The following MED13L variants were observed in gnomAD, a reference collection of about 807,000 sequenced individuals.
MED13L encodes the protein mediator of RNA polymerase II transcription subunit 13-like.
In MED13L, 7 loss-of-function variants were observed where a neutral mutation model predicts 220.9. The ratio of observed to expected loss-of-function variants is 0.03; its 90% CI spans 0.02 to 0.06. MED13L has a LOEUF of 0.06. MED13L is among the 10% of genes least tolerant of loss of function. MED13L has a pLI of 1.00. For missense variants in MED13L, 1,965 were observed against 2,760.5 expected (o/e 0.71, Z 6.46); for synonymous variants, 1,011 against 1,015.2 (o/e 1.00, Z 0.08).
intron 3 of MED13L, among the ~76,000 whole-genome samples, chr12:116,102,085 T>C (rs562609294): frequency 2.2e-4 from 33 of 152,076 alleles, no homozygotes; most frequent in Middle Eastern, 6.8e-3. Flanking sequence ...CCCCACCACC[T>C]CCCCAAAATC....
At chr12:116,062,116 TTTC>T (rs1869546458) in intron 4 of MED13L, among the ~76,000 whole-genome samples, 2 of 152,082 alleles carry the variant, frequency 1.3e-5, no homozygotes, top group Admixed American at 1.3e-4. Context: ...TTCTATTGAT[TTTC>T]TTTTTTCTGG....
chr12:116,071,480 G>A (rs903235622), intron 4 of MED13L, among the ~76,000 whole-genome samples: 1 of 152,190 alleles, frequency 6.6e-6, no homozygotes, highest in African/African-American at 2.4e-5. Context: ...AGGCTGGAGT[G>A]CAATGGCGCA....
At chr12:116,142,763 G>T (rs1404581289) in intron 2 of MED13L, among the ~76,000 whole-genome samples, 1 of 152,074 alleles carries the variant, frequency 6.6e-6, no homozygotes, top group African/African-American at 2.4e-5. Context: ...ATGTATGTGT[G>T]CATAAAAATA....
rs1364831966 is a variant in MED13L, at chr12:116,155,812, C to CA, written c.311-44301dup. Reference sequence around the variant, plus strand: ...AAAATTGTGTCTGTTCTTCAAAACACAAAAAACTAAATATATTGATTCTAG... The same window carrying CA: ...AAAATTGTGTCTGTTCTTCAAAACACAAAAAAACTAAATATATTGATTCTAG... On this transcript the variant is annotated intron_variant, in intron 2 of 30. Coordinates refer to ENST00000281928, the MANE Select transcript of MED13L (RefSeq NM_015335.5). 2.6e-5 allele frequency among the ~76,000 whole-genome samples: 4 copies of CA among 152,202 alleles called. No individual in the cohort carries two copies. The East Asian group carries it at 5.8e-4, about 22-fold the overall frequency.
intron 2 of MED13L, among the ~76,000 whole-genome samples, chr12:116,142,357 A>AT (rs1356939245): frequency 2.0e-5 from 3 of 152,208 alleles, no homozygotes; most frequent in African/African-American, 7.2e-5. Flanking sequence ...AAGTAAGCAT[A>AT]TAGCAATAGT....
chr12:116,072,938 A>G (rs1328177980), intron 4 of MED13L, among the ~76,000 whole-genome samples: 1 of 152,242 alleles, frequency 6.6e-6, no homozygotes, highest in African/African-American at 2.4e-5. Context: ...ATTCATTTGA[A>G]AGTCCACACT....
chr12:115,983,921 A>G (rs554138220), intron 20 of MED13L, among the ~76,000 whole-genome samples: 3 of 152,344 alleles, frequency 2.0e-5, no homozygotes, highest in African/African-American at 7.2e-5. Flanking sequence ...AAAACTAAGC[A>G]GCTAATACCA....
intron 4 of MED13L, among the ~76,000 whole-genome samples, chr12:116,028,929 C>T (rs1054756861): frequency 1.3e-5 from 2 of 152,146 alleles, no homozygotes; most frequent in Admixed American, 1.3e-4. Context: ...TGTGAAGGTA[C>T]TCCTATACAT....
intron 1 of MED13L, among the ~76,000 whole-genome samples, chr12:116,255,264 T>G (rs1019167538): frequency 1.2e-4 from 19 of 152,296 alleles, no homozygotes; most frequent in African/African-American, 4.6e-4. Flanking sequence ...TTAACAAAGA[T>G]TCTAAGGTCA....
At chr12:116,253,204 G>A (rs770083799) in intron 1 of MED13L, among the ~76,000 whole-genome samples, 6 of 150,372 alleles carry the variant, frequency 4.0e-5, no homozygotes, top group South Asian at 2.1e-4. Context: ...GGAGGGGGGC[G>A]GAGGTTGCAC....
intron 2 of MED13L, among the ~76,000 whole-genome samples, chr12:116,225,758 C>T (rs991278249): frequency 2.0e-5 from 3 of 152,148 alleles, no homozygotes; most frequent in East Asian, 3.8e-4. Context: ...AATGAAGAGA[C>T]CTCATGTTGA....
intron 4 of MED13L, among the ~76,000 whole-genome samples, chr12:116,055,636 T>C (rs949472027): frequency 6.6e-6 from 1 of 152,216 alleles, no homozygotes; most frequent in South Asian, 2.1e-4. Context: ...GGCTCACACC[T>C]GTAATCCCAG....
intron 2 of MED13L, among the ~76,000 whole-genome samples, chr12:116,204,235 CT>C (rs1593162315): frequency 6.6e-6 from 1 of 152,190 alleles, no homozygotes; most frequent in East Asian, 1.9e-4. Flanking sequence ...ATCTATCAAT[CT>C]TTCTACTTTG....
At chr12:116,041,821 C>T (rs144644426) in intron 4 of MED13L, among the ~76,000 whole-genome samples, 5 of 152,216 alleles carry the variant, frequency 3.3e-5, no homozygotes, top group African/African-American at 1.2e-4. Flanking sequence ...GGCGACAGAG[C>T]GAGACTCTGT....
At chr12:116,025,795 G>T (rs950615915) in intron 4 of MED13L, among the ~76,000 whole-genome samples, 11 of 152,134 alleles carry the variant, frequency 7.2e-5, no homozygotes, top group African/African-American at 2.4e-4. Flanking sequence ...GTATTCTATT[G>T]CACAGTAGGG....
intron 2 of MED13L, among the ~76,000 whole-genome samples, chr12:116,194,255 T>A (rs1881476001): frequency 6.6e-6 from 1 of 152,140 alleles, no homozygotes; most frequent in Admixed American, 6.5e-5. Context: ...AACCTCCACC[T>A]CCTGGGTTTA....
chr12:116,274,418 AC>A (rs1365625294), intron 1 of MED13L, among the ~76,000 whole-genome samples: 5 of 148,820 alleles, frequency 3.4e-5, no homozygotes, highest in South Asian at 2.2e-4. Context: ...GCAAAAAAAA[AC>A]AAAACAAAAA....
chr12:116,081,872 A>C (rs1418109504), intron 4 of MED13L, among the ~76,000 whole-genome samples: 1 of 152,214 alleles, frequency 6.6e-6, no homozygotes, highest in African/African-American at 2.4e-5. Context: ...GTCTCAAAAA[A>C]ATAATAAATG....
intron 1 of MED13L, among the ~76,000 whole-genome samples, chr12:116,243,060 T>C (rs1285319442): frequency 6.6e-6 from 1 of 152,218 alleles, no homozygotes; most frequent in Non-Finnish European, 1.5e-5. Flanking sequence ...TATCATCCCA[T>C]GAATAGACTT....
Sources: gnomAD v4.1 joint callset for allele counts (sites outside exome capture counted in the v4.1 genomes callset) on GRCh38, gnomAD v4.1.1 for gene constraint, MANE v1.5 for transcripts, NCBI Gene and HGNC (gene_info 2026-07-23, HGNC 2026-07-21) for gene names.